SORT1: variants seen among roughly 807,000 people sequenced by gnomAD.
SORT1 encodes the protein sortilin 1, also known as sortilin.
In SORT1, 39 loss-of-function variants were observed where a neutral mutation model predicts 101.7. The ratio of observed to expected loss-of-function variants is 0.38; its 90% confidence interval spans 0.30 to 0.50. The LOEUF (loss-of-function observed/expected upper bound fraction) is 0.50, where lower values mean the gene tolerates loss of function less well. Ranked by LOEUF, SORT1 falls within the 20% of genes least tolerant of loss-of-function variation. The probability of loss-of-function intolerance (pLI) is 0.90; values close to 1 mark genes in which losing one functional copy is unlikely to be tolerated. For missense variants in SORT1, 878 were observed against 1,040.4 expected (o/e 0.84, Z 2.15); for synonymous variants, 396 against 393.7 (o/e 1.01, Z -0.07).
chr1:109,355,623 G>A (rs1654530230), intron 3 of SORT1, among the ~76,000 whole-genome samples, 154 bp from the exon 4 acceptor site: 1 of 144,888 alleles, frequency 6.9e-6, no homozygotes, highest in Admixed American at 7.0e-5. Flanking sequence ...GTGCCCTGGT[G>A]AGTCCGAAGA....
chr1:109,381,946 A>C (rs1359301593), intron 1 of SORT1, among the ~76,000 whole-genome samples: 1 of 152,064 alleles, frequency 6.6e-6, no homozygotes, highest in Non-Finnish European at 1.5e-5. Context: ...TATAGAATTG[A>C]TAGGGGTGCA....
chr1:109,351,965 G>GGTGTGTGTGTGTGTGTGT lies in SORT1; in HGVS notation c.709-981_709-964dup, dbSNP rs10540637. On this transcript the variant is annotated intron_variant, in intron 5 of 19. Transcript: ENST00000256637. ...CCTGCAGGGCAGGATGAGAGGTAGGGGTGTGTGTGTGTGTGTGTGTGTGTG... is the reference window on the plus strand; with the variant it reads ...CCTGCAGGGCAGGATGAGAGGTAGGGGTGTGTGTGTGTGTGTGTGTGTGTGTGTGTGTGTGTGTGTGTG... Among the ~76,000 whole-genome samples, 77 of 147,504 alleles carry GGTGTGTGTGTGTGTGTGT rather than the reference G, an allele frequency of 5.2e-4. 2 individuals are homozygous for GGTGTGTGTGTGTGTGTGT. The highest frequency in any genetic ancestry group is 1.8e-3 in the African/African-American group (70 of 39,784).
intron 17 of SORT1, among the ~76,000 whole-genome samples, chr1:109,315,081 C>T (rs549700651): frequency 6.6e-6 from 1 of 152,238 alleles, no homozygotes; most frequent in South Asian, 2.1e-4. Context: ...TTCACACTAC[C>T]ACTGTTCACA....
At chr1:109,395,290 G>A (rs1164366742) in intron 1 of SORT1, among the ~76,000 whole-genome samples, 1 of 123,010 alleles carries the variant, frequency 8.1e-6, no homozygotes, top group African/African-American at 3.1e-5. Flanking sequence ...GTGCGATCTC[G>A]GCTCGCTGCA....
intron 11 of SORT1, among the ~76,000 whole-genome samples, chr1:109,331,489 T>A (rs1461558116): frequency 6.6e-6 from 1 of 151,942 alleles, no homozygotes; most frequent in African/African-American, 2.4e-5. Flanking sequence ...CCATTCATGA[T>A]AAAAACTCTC....
intron 1 of SORT1, among the ~76,000 whole-genome samples, chr1:109,383,999 G>A (rs1652412756): frequency 6.6e-6 from 1 of 152,072 alleles, no homozygotes; most frequent in African/African-American, 2.4e-5. Flanking sequence ...GAAGTGCGGG[G>A]GCTAGAATGA....
intron 11 of SORT1, among the ~76,000 whole-genome samples, chr1:109,329,165 T>C (rs10745352): frequency 0.65 from 98,374 of 152,086 alleles, 33,688 homozygotes; most frequent in East Asian, 0.96. Context: ...TAAAGGCCTA[T>C]GTGTGTAAGA....
chr1:109,343,904 G>A (rs1411885342), intron 8 of SORT1, among the ~76,000 whole-genome samples: 1 of 152,174 alleles, frequency 6.6e-6, no homozygotes, highest in Non-Finnish European at 1.5e-5. Context: ...GCTCGTCTTA[G>A]CCTCCTAAAG....
intron 10 of SORT1, among the ~76,000 whole-genome samples, chr1:109,337,915 T>C (rs530293449): frequency 6.6e-6 from 1 of 152,342 alleles, no homozygotes; most frequent in African/African-American, 2.4e-5. Flanking sequence ...CATGAGCCAC[T>C]ACACCCAGAG....
intron 1 of SORT1, among the ~76,000 whole-genome samples, chr1:109,388,020 C>T (rs1171548609): frequency 6.6e-6 from 1 of 152,170 alleles, no homozygotes; most frequent in Non-Finnish European, 1.5e-5. Flanking sequence ...TCCCACCCTC[C>T]TCTTTTTTCA....
At chr1:109,361,723 G>A (rs994010852) in intron 3 of SORT1, among the ~76,000 whole-genome samples, 2 of 152,048 alleles carry the variant, frequency 1.3e-5, no homozygotes, top group Non-Finnish European at 2.9e-5. Context: ...ATTATTCATG[G>A]ATTCTATATT....
intron 1 of SORT1, among the ~76,000 whole-genome samples, chr1:109,372,263 T>C (rs1329404072): frequency 1.3e-5 from 2 of 152,236 alleles, no homozygotes; most frequent in Non-Finnish European, 2.9e-5. Flanking sequence ...TTTCAAAATA[T>C]GTATTACAGC....
chr1:109,382,560 ACCT>A (rs749127193), intron 1 of SORT1, among the ~76,000 whole-genome samples: 1 of 152,104 alleles, frequency 6.6e-6, no homozygotes, highest in African/African-American at 2.4e-5. Context: ...TGTAAGGTAG[ACCT>A]CCTAATATCA....
chr1:109,358,761 G>C (rs1650505983), intron 3 of SORT1, among the ~76,000 whole-genome samples: 1 of 151,634 alleles, frequency 6.6e-6, no homozygotes, highest in Non-Finnish European at 1.5e-5. Context: ...GGCTGAGGCA[G>C]AGAATTGCTT....
At position 109,340,833 on chromosome 1, in the gene SORT1, G is replaced by C. The variant is rs923395552; in HGVS notation, c.1155C>G (p.Val385=). 1 of 1,613,858 alleles carries C rather than the reference G, an allele frequency of 6.2e-7. No homozygotes were observed. The highest frequency in any genetic ancestry group is 8.5e-7 in the Non-Finnish European group (1 of 1,179,876). The change falls in exon 10 of 20, where the codon GTC becomes GTG. Residue 385 remains valine (V), a synonymous_variant. Transcript: ENST00000256637. ...TIFTSDDRGI[V]YSKSLDRHLY... is the part of the protein sequence containing the mutation. Reference sequence around the variant, plus strand: ...GATGTCGGTCCAAAGACTTGGAATAGACAATGCCTCGATCATCTGAGGTAA... The same window carrying C: ...GATGTCGGTCCAAAGACTTGGAATACACAATGCCTCGATCATCTGAGGTAA...
At chr1:109,378,730 ATATATATATATATATATATATATATATAT>A (rs1652024884) in intron 1 of SORT1, among the ~76,000 whole-genome samples, 1 of 98,864 alleles carries the variant, frequency 1.0e-5, no homozygotes, top group African/African-American at 4.4e-5. Flanking sequence ...ATATATATAT[ATATATATATATATATATATATATATATAT>A]ATAAAGATGT....
Position 109,327,253 on chromosome 1 carries a change from G to A in SORT1, c.1475-93C>T, listed in dbSNP as rs570306804. The A allele has an allele frequency of 7.1e-6, 8 of 1,132,906 alleles. No individual in the cohort carries two copies. In the African/African-American group the frequency reaches 1.1e-4, roughly 15 times the overall value. The allele number at this position is 1,132,906 out of a possible 1,614,324, so 70.2% of individuals were successfully genotyped here. On this transcript the variant is annotated intron_variant, in intron 12 of 19. Transcript: ENST00000256637. ...GAATAATGTTGAATGAATTTATTCTGATTATTTCCCATCAAGCCTCTTTTA... is the reference window on the plus strand; with the variant it reads ...GAATAATGTTGAATGAATTTATTCTAATTATTTCCCATCAAGCCTCTTTTA...
intron 1 of SORT1, among the ~76,000 whole-genome samples, chr1:109,389,110 G>C (rs1376876180): frequency 2.0e-5 from 3 of 152,226 alleles, no homozygotes; most frequent in Admixed American, 1.3e-4. Flanking sequence ...TTTGGCTCAA[G>C]GGCTGTATCT....
chr1:109,389,835 G>C (rs575419265), intron 1 of SORT1: 9 of 152,294 alleles, frequency 5.9e-5, no homozygotes, highest in African/African-American at 2.2e-4. Context: ...GCCGGCCTCT[G>C]AAAGGGGAAC....
Sources: gnomAD v4.1 joint callset for allele counts (sites outside exome capture counted in the v4.1 genomes callset) on GRCh38, gnomAD v4.1.1 for gene constraint, MANE v1.5 for transcripts, NCBI Gene and HGNC (gene_info 2026-07-23, HGNC 2026-07-21) for gene names.